TMEM135: variants seen among roughly 807,000 people sequenced by gnomAD.
TMEM135 encodes the protein transmembrane protein 135.
A neutral mutation model predicts 60.3 loss-of-function variants in TMEM135; 30 were observed. That is an observed-to-expected ratio of 0.50 (90% CI 0.37 to 0.68). The LOEUF is 0.68. Ranked by LOEUF, TMEM135 falls within the 30% of genes least tolerant of loss-of-function variation. The probability of loss-of-function intolerance (pLI) is 0.00; values close to 1 mark genes in which losing one functional copy is unlikely to be tolerated. For missense variants in TMEM135, 468 were observed against 548.8 expected (o/e 0.85, Z 1.47); for synonymous variants, 190 against 186.7 (o/e 1.02, Z -0.14).
At chr11:87,198,371 A>C (rs905401887) in intron 5 of TMEM135, among the ~76,000 whole-genome samples, 1 of 152,102 alleles carries the variant, frequency 6.6e-6, no homozygotes, top group Non-Finnish European at 1.5e-5. Flanking sequence ...ACCCTTCAAA[A>C]CCCTTAGAGT....
At chr11:87,067,577 G>A (rs1299395255) in intron 1 of TMEM135, 117 bp from the exon 2 acceptor site, 3 of 1,354,122 alleles carry the variant, frequency 2.2e-6, no homozygotes, top group Non-Finnish European at 3.1e-6. Flanking sequence ...CCAGTGAAAT[G>A]CCAGCATTTT....
At chr11:87,149,974 T>G (rs113449167) in intron 4 of TMEM135, among the ~76,000 whole-genome samples, 15,639 of 152,170 alleles carry the variant, frequency 0.1, 827 homozygotes, top group African/African-American at 0.12. Flanking sequence ...CCCAGCACTT[T>G]GGGAGGCCAA....
At chr11:87,138,779 C>T (rs1212016934) in intron 4 of TMEM135, among the ~76,000 whole-genome samples, 1 of 152,202 alleles carries the variant, frequency 6.6e-6, no homozygotes, top group African/African-American at 2.4e-5. Context: ...GAGCACTCAT[C>T]TGCAAGTAAA....
chr11:87,298,088 C>G (rs895793952), intron 7 of TMEM135, among the ~76,000 whole-genome samples: 7 of 152,180 alleles, frequency 4.6e-5, no homozygotes, highest in Non-Finnish European at 1.0e-4. Context: ...CATGTCTTTC[C>G]TGCTACCTCT....
chr11:87,155,145 T>G (rs1938658438), intron 4 of TMEM135, among the ~76,000 whole-genome samples: 1 of 152,142 alleles, frequency 6.6e-6, no homozygotes, highest in South Asian at 2.1e-4. Flanking sequence ...AGTACAGGCA[T>G]GTGCCACCAA....
intron 6 of TMEM135, among the ~76,000 whole-genome samples, chr11:87,288,255 C>G (rs963389395): frequency 1.3e-5 from 2 of 152,074 alleles, no homozygotes; most frequent in Admixed American, 6.5e-5. Flanking sequence ...TTATGTATAT[C>G]GAATTGCTTC....
chr11:87,038,043 G>C lies in TMEM135; in HGVS notation c.-3G>C, dbSNP rs373626810. 2.3e-5 allele frequency: 37 copies of C among 1,613,822 alleles called. No homozygotes were observed. Among genetic ancestry groups the C allele is most frequent in the Non-Finnish European group, 2.9e-5 (34 of 1,180,020 alleles). On this transcript the variant is annotated 5_prime_UTR_variant, in exon 1 of 15. Coordinates refer to ENST00000305494, the MANE Select transcript of TMEM135 (RefSeq NM_022918.4). ...TCCTGTCTTCTCCGCGCTGTTCCTC[G>C]TCATGGCGGCCCTCAGCAAGTCCAT...
chr11:87,153,596 A>G (rs1214898308), intron 4 of TMEM135, among the ~76,000 whole-genome samples: 2 of 152,138 alleles, frequency 1.3e-5, no homozygotes, highest in Non-Finnish European at 2.9e-5. Flanking sequence ...ATTGTTATTC[A>G]TATGCTTATT....
intron 5 of TMEM135, among the ~76,000 whole-genome samples, chr11:87,232,085 G>T: frequency 6.6e-6 from 1 of 151,864 alleles, no homozygotes; most frequent in Non-Finnish European, 1.5e-5. Context: ...CAAGTAGCTG[G>T]AATTACAGAT....
rs1219905862 is a variant in TMEM135 at position 87,323,258 on chromosome 11, T to C, written c.*1925T>C. ...ATTGCAGTCATTTTTTTAAATTTTA[T>C]GTAAAATGTAAAATGAAATAGCTAT... On this transcript the variant is annotated 3_prime_UTR_variant, in exon 15 of 15. Transcript: ENST00000305494. 1.1e-5 allele frequency: 5 copies of C among 453,544 alleles called. No individual in the cohort carries two copies. The East Asian group carries it at 2.1e-4, about 19-fold the overall frequency. 28.1% of individuals were successfully genotyped at this position (453,544 alleles called of 1,614,324 possible).
intron 4 of TMEM135, among the ~76,000 whole-genome samples, chr11:87,130,165 C>A (rs1462865182): frequency 9.0e-6 from 1 of 110,714 alleles, no homozygotes; most frequent in Non-Finnish European, 1.9e-5. Context: ...CCAGTTCCAG[C>A]ATTTTTTTTT....
chr11:87,223,008 A>C (rs1237881534), intron 5 of TMEM135, among the ~76,000 whole-genome samples: 3 of 152,168 alleles, frequency 2.0e-5, no homozygotes, highest in African/African-American at 7.2e-5. Context: ...GAAGTTTCTT[A>C]AGGTTACACA....
chr11:87,096,215 G>A (rs570273479), intron 4 of TMEM135: 6 of 294,454 alleles, frequency 2.0e-5, no homozygotes, highest in Non-Finnish European at 4.1e-5. Flanking sequence ...CAAATTCTTC[G>A]TCCTTATTGA....
At chr11:87,070,550 C>T (rs113286609) in intron 2 of TMEM135, among the ~76,000 whole-genome samples, 449 of 152,078 alleles carry the variant, frequency 3.0e-3, no homozygotes, top group Middle Eastern at 6.8e-3. Flanking sequence ...GTAGGAGAAT[C>T]GCTTGAACCC....
intron 4 of TMEM135, among the ~76,000 whole-genome samples, chr11:87,114,251 A>G (rs1263709837): frequency 6.6e-6 from 1 of 152,150 alleles, no homozygotes; most frequent in African/African-American, 2.4e-5. Context: ...AATGCAACAC[A>G]AAGAAATTTC....
chr11:87,321,447 C>T lies in TMEM135; in HGVS notation c.*114C>T, dbSNP rs77659895. On this transcript the variant is annotated 3_prime_UTR_variant, in exon 15 of 15. Coordinates refer to ENST00000305494, the MANE Select transcript of TMEM135 (RefSeq NM_022918.4). ...TTCAGTGTTATTTCAGTTAGAGATA[C>T]TCTTTTCATTTGTTTTGTTTTTCTT... The T allele has an allele frequency of 3.5e-6, 4 of 1,147,034 alleles. No homozygotes were observed. The highest frequency in any genetic ancestry group is 2.5e-5 in the South Asian group (2 of 80,092). 71.1% of individuals were successfully genotyped at this position (1,147,034 alleles called of 1,614,324 possible). A position where few individuals can be genotyped will look rare whatever the true frequency, so the allele number is the denominator to read the frequency against.
chr11:87,311,332 T>C (rs1014433358), intron 10 of TMEM135, among the ~76,000 whole-genome samples: 4 of 152,022 alleles, frequency 2.6e-5, no homozygotes, highest in African/African-American at 9.7e-5. Context: ...ATATTACTAA[T>C]ATTAAAAACA....
intron 4 of TMEM135, among the ~76,000 whole-genome samples, chr11:87,107,138 T>A (rs1431197202): frequency 6.6e-6 from 1 of 152,194 alleles, no homozygotes; most frequent in Non-Finnish European, 1.5e-5. Flanking sequence ...GGGACAAATA[T>A]ACAGACTATA....
intron 10 of TMEM135, among the ~76,000 whole-genome samples, chr11:87,312,717 AT>A (rs1195289191): frequency 5.3e-5 from 8 of 151,878 alleles, no homozygotes; most frequent in Admixed American, 4.6e-4. Flanking sequence ...TTTATTTTTC[AT>A]TTTTTAAGAC....
Sources: gnomAD v4.1 joint callset for allele counts (sites outside exome capture counted in the v4.1 genomes callset) on GRCh38, gnomAD v4.1.1 for gene constraint, MANE v1.5 for transcripts, NCBI Gene and HGNC (gene_info 2026-07-23, HGNC 2026-07-21) for gene names.